KANK4: variants seen among roughly 807,000 people sequenced by gnomAD.
KANK4 encodes KN motif and ankyrin repeat domain-containing protein 4.
In KANK4, 50 loss-of-function variants were observed where a neutral mutation model predicts 80.8. The ratio of observed to expected loss-of-function variants is 0.62; its 90% CI spans 0.49 to 0.78. The LOEUF (loss-of-function observed/expected upper bound fraction) is 0.78. KANK4 is among the 30% of genes least tolerant of loss of function. KANK4 has a pLI of 0.00. For synonymous variants in KANK4, 465 were observed against 506.9 expected, an observed-to-expected ratio of 0.92 and a Z score of 1.11; for missense variants, 1,196 against 1,240.1, an observed-to-expected ratio of 0.96 and a Z score of 0.53.
At chr1:62,317,804 G>A (rs946460691) in intron 1 of KANK4, among the ~76,000 whole-genome samples, 1 of 152,178 alleles carries the variant, frequency 6.6e-6, no homozygotes, top group Middle Eastern at 3.2e-3. Context: ...TTGGCCACTG[G>A]AATGCAAGCT....
At chr1:62,271,376 G>C in intron 4 of KANK4, 102 bp downstream of exon 4, 1 of 802,566 alleles carries the variant, frequency 1.2e-6, no homozygotes, top group South Asian at 1.4e-5. Context: ...CCCTTGAAGA[G>C]GAATGAAAAC....
chr1:62,301,250 G>T (rs1218007726), intron 1 of KANK4, among the ~76,000 whole-genome samples: 3 of 152,050 alleles, frequency 2.0e-5, no homozygotes, highest in Non-Finnish European at 4.4e-5. Flanking sequence ...TGGGGAGACT[G>T]GGAGAAAGAG....
intron 8 of KANK4, among the ~76,000 whole-genome samples, chr1:62,251,215 C>G (rs943182600): frequency 6.6e-6 from 1 of 152,200 alleles, no homozygotes; most frequent in Non-Finnish European, 1.5e-5. Flanking sequence ...TGTGGCCCTC[C>G]TCACACTGCC....
intron 2 of KANK4, among the ~76,000 whole-genome samples, chr1:62,279,198 GCA>G (rs10560623): frequency 0.095 from 13,786 of 145,770 alleles, 698 homozygotes; most frequent in African/African-American, 0.12. Context: ...GCTAGCGCGC[GCA>G]CACACACACA....
chr1:62,257,290 G>T (rs1671774678), intron 7 of KANK4, among the ~76,000 whole-genome samples: 1 of 152,190 alleles, frequency 6.6e-6, no homozygotes, highest in African/African-American at 2.4e-5. Flanking sequence ...GTTTCGCCAT[G>T]TTGGCCAGGA....
At chr1:62,251,923 T>C (rs1570968782) in intron 8 of KANK4, among the ~76,000 whole-genome samples, 1 of 137,464 alleles carries the variant, frequency 7.3e-6, no homozygotes, top group Admixed American at 8.0e-5. Context: ...ACCCAGGAGG[T>C]GGAGGTTGCG....
Position 62,263,260 on chromosome 1 carries a change from T to G in KANK4, c.2371A>C (p.Lys791Gln). 1.2e-6 allele frequency: 2 copies of G among 1,613,448 alleles called. No homozygotes were observed. Among genetic ancestry groups the G allele is most frequent in the Non-Finnish European group, 1.7e-6 (2 of 1,179,818 alleles). The change falls in exon 7 of 10, where the codon AAG becomes CAG. Residue 791 changes from lysine (K) to glutamine (Q), a missense_variant. By Grantham distance (53) the Lys-to-Gln change is moderately conservative (BLOSUM62 1). This residue lies in a region of KANK4 where 1,154 missense variants were observed against 1,179.6 expected (regional missense o/e 0.98). Transcript: ENST00000371153. ...SQEWFRVSSR[K>Q]SSSPAVVASY... ...GCCACCACGGCGGGGCTAGACGACT[T>G]CCGGCTGGAGACGCGGAACCACTCT...
intron 1 of KANK4, among the ~76,000 whole-genome samples, chr1:62,291,124 T>G (rs1672670501): frequency 6.6e-6 from 1 of 152,182 alleles, no homozygotes; most frequent in Non-Finnish European, 1.5e-5. Flanking sequence ...TCCTAGTAGG[T>G]GTAGTAGGTA....
At chr1:62,239,783 C>T (rs986849100) in intron 9 of KANK4, among the ~76,000 whole-genome samples, 6 of 152,096 alleles carry the variant, frequency 3.9e-5, no homozygotes, top group South Asian at 2.1e-4. Flanking sequence ...TCTTTCCTTG[C>T]GATGGTTTGC....
chr1:62,254,566 T>G lies in KANK4; in HGVS notation c.2540-1357A>C, dbSNP rs567296124. On this transcript the variant is annotated intron_variant, in intron 7 of 9. Transcript: ENST00000371153. ...CAAAAACCTGGCATTTTTTTTTTTG[T>G]TTTTTTTTTCAGACAGTCTCTCTGT... 9.5e-5 allele frequency among the ~76,000 whole-genome samples: 14 copies of G among 146,996 alleles called. 1 individual carries two copies. Among genetic ancestry groups the G allele is most frequent in the African/African-American group, 3.3e-4 (13 of 39,912 alleles).
intron 1 of KANK4, among the ~76,000 whole-genome samples, chr1:62,313,749 T>G (rs1487364508): frequency 1.3e-5 from 2 of 152,144 alleles, no homozygotes; most frequent in Non-Finnish European, 2.9e-5. Flanking sequence ...ACCTAATGCA[T>G]GCGGGGCTTA....
At chr1:62,308,490 C>A (rs1644471979) in intron 1 of KANK4, among the ~76,000 whole-genome samples, 1 of 152,104 alleles carries the variant, frequency 6.6e-6, no homozygotes, top group African/African-American at 2.4e-5. Context: ...GAGCCTGGGC[C>A]AGGTGCTCCT....
chr1:62,268,989 C>T (rs1173042675), intron 4 of KANK4, among the ~76,000 whole-genome samples: 1 of 152,254 alleles, frequency 6.6e-6, no homozygotes, highest in Admixed American at 6.5e-5. Flanking sequence ...GACCTCCCTT[C>T]AGACTGCTCC....
chr1:62,253,203 C>G lies in KANK4; in HGVS notation c.2546G>C (p.Cys849Ser). The change falls in exon 8 of 10, where the codon TGC becomes TCC. Residue 849 changes from cysteine (C) to serine (S), a missense_variant. Cys to Ser is a moderately radical substitution (Grantham distance 112). This residue lies in a region of KANK4 where 1,154 missense variants were observed against 1,179.6 expected (regional missense o/e 0.98). Transcript: ENST00000371153. Reference sequence around the variant, plus strand: ...AGCTTTGTTCTGATGGTCCACATTGCAGACGCCTGCAAGAGAAGCAATGGG... The same window carrying G: ...AGCTTTGTTCTGATGGTCCACATTGGAGACGCCTGCAAGAGAAGCAATGGG... The part of the protein sequence containing the change: ...IVKLLLETGV[C>S]NVDHQNKAGY... 8 of 1,605,168 alleles carry G rather than the reference C, an allele frequency of 5.0e-6. No homozygotes were observed. Among genetic ancestry groups the G allele is most frequent in the Non-Finnish European group, 6.8e-6 (8 of 1,177,534 alleles).
rs1192183499 is a variant in KANK4, at chr1:62,274,183, G to C, written c.921C>G (p.Ile307Met). Residue 307 changes from isoleucine (I) to methionine (M), a missense_variant, in exon 3 of 10, where the codon ATC becomes ATG. Transcript: ENST00000371153. ...ELLLEEIELN[I>M]SEIPPPPPVE... Reference sequence around the variant, plus strand: ...CAGGTGGCGGGGGTGGAATCTCGCTGATGTTGAGCTCGATTTCTTCCAGGA... The same window carrying C: ...CAGGTGGCGGGGGTGGAATCTCGCTCATGTTGAGCTCGATTTCTTCCAGGA... 1 of 1,614,196 alleles carries C rather than the reference G, an allele frequency of 6.2e-7. No individual in the cohort carries two copies. Among genetic ancestry groups the C allele is most frequent in the East Asian group, 2.2e-5 (1 of 44,874 alleles).
intron 1 of KANK4, among the ~76,000 whole-genome samples, chr1:62,299,055 A>AT (rs550552532): frequency 0.028 from 4,184 of 147,642 alleles, 167 homozygotes; most frequent in African/African-American, 0.087. Flanking sequence ...CCTGCCCAAG[A>AT]TTTTTTTTTT....
chr1:62,316,921 T>C (rs1644546561), intron 1 of KANK4, among the ~76,000 whole-genome samples: 1 of 152,208 alleles, frequency 6.6e-6, no homozygotes, highest in African/African-American at 2.4e-5. Flanking sequence ...CATTTGCCTC[T>C]ATCTTGTCAG....
rs1672257673 is a variant in KANK4 at position 62,274,504 on chromosome 1, A to G, written c.600T>C (p.Cys200=). 1.2e-6 allele frequency: 2 copies of G among 1,614,200 alleles called. No homozygotes were observed. The highest frequency in any genetic ancestry group is 1.3e-5 in the African/African-American group (1 of 75,052). The change falls in exon 3 of 10, where the codon TGT becomes TGC. Residue 200 remains cysteine (C), a synonymous_variant. Coordinates refer to ENST00000371153, the MANE Select transcript of KANK4 (RefSeq NM_181712.5). ...LPPLQGEGSV[C]DGTFEPAEGL... ...CTTCTGCAGGTTCAAAGGTGCCATC[A>G]CAGACACTGCCTTCACCCTGAAGGG...
At position 62,263,188 on chromosome 1, in the gene KANK4, G is replaced by A; in HGVS notation, c.2443C>T (p.Leu815=). ...VQPHSPHFLK[L]LVNLADHNGN... ...TTGTGATCGGCCAAGTTGACAAGCA[G>A]TTTCAGGAAGTGTGGGGAGTGAGGC... Residue 815 remains leucine, a synonymous_variant, in exon 7 of 10, where the codon CTG becomes TTG. Transcript: ENST00000371153. 1 of 1,613,980 alleles carries A rather than the reference G, an allele frequency of 6.2e-7. No individual in the cohort carries two copies. Among genetic ancestry groups the A allele is most frequent in the Non-Finnish European group, 8.5e-7 (1 of 1,179,890 alleles).
Sources: gnomAD v4.1 joint callset for allele counts (sites outside exome capture counted in the v4.1 genomes callset) on GRCh38, gnomAD v4.1.1 for gene constraint, gnomAD v4.1.1 regional missense constraint, MANE v1.5 for transcripts, NCBI Gene and HGNC (gene_info 2026-07-23, HGNC 2026-07-21) for gene names.